Variants in C4orf51 observed in about 807,000 individuals in gnomAD.
C4orf51 encodes chromosome 4 open reading frame 51, also known as uncharacterized protein C4orf51.
In C4orf51, 25 loss-of-function variants were observed where a neutral mutation model predicts 25.2. That is an observed-to-expected ratio of 0.99 (90% CI 0.72 to 1.39). C4orf51 has a LOEUF of 1.39. C4orf51 is among the 40% of genes most tolerant of loss of function. C4orf51 has a pLI of 0.00. For missense variants in C4orf51, 252 were observed against 239.6 expected (o/e 1.05, Z -0.34); for synonymous variants, 100 against 84.5 (o/e 1.18, Z -1.01).
the C4orf51 span, among the ~76,000 whole-genome samples, chr4:145,785,490 G>A: frequency 6.6e-6 from 1 of 152,066 alleles, no homozygotes; most frequent in South Asian, 2.1e-4. Context: ...ATTTTCAGGA[G>A]GATAAAAATG....
At chr4:145,776,006 G>A (rs780561948), downstream of C4orf51, 10 of 1,611,278 alleles carry the variant, frequency 6.2e-6, no homozygotes, top group Non-Finnish European at 7.6e-6. Context: ...TTTCAAAAAA[G>A]GAAGTCCCAA....
At chr4:145,739,003 C>A (rs1389311246) in intron 1 of C4orf51, among the ~76,000 whole-genome samples, 1 of 152,118 alleles carries the variant, frequency 6.6e-6, no homozygotes, top group East Asian at 1.9e-4. Context: ...CTTGTCCCTT[C>A]CCTTCCCTCA....
At chr4:145,695,848 C>A (rs1399795570) in intron 1 of C4orf51, among the ~76,000 whole-genome samples, 7 of 152,196 alleles carry the variant, frequency 4.6e-5, no homozygotes, top group African/African-American at 1.7e-4. Context: ...AGAACAAGAT[C>A]ATATCTTTTG....
At chr4:145,717,572 A>G (rs1731489911) in intron 2 of C4orf51, among the ~76,000 whole-genome samples, 2 of 152,260 alleles carry the variant, frequency 1.3e-5, no homozygotes, top group South Asian at 4.1e-4. Flanking sequence ...GGCCAATTAT[A>G]TAAATTTGCT....
chr4:145,763,048 G>T lies in C4orf51; in HGVS notation n.167-7940G>T. 2 of 1,519,178 alleles carry T rather than the reference G, an allele frequency of 1.3e-6. No homozygotes were observed. The highest frequency in any genetic ancestry group is 8.8e-7 in the Non-Finnish European group (1 of 1,133,038). 94.1% of individuals were successfully genotyped at this position (1,519,178 alleles called of 1,614,324 possible). ...GAGAGAAATATAAAGCCCATTCCCA[G>T]GTCAGGTGCACACACAACCCCTACG... On this transcript the variant is annotated intron_variant and non_coding_transcript_variant, in intron 1 of 1. Transcript: ENST00000510096. The surrounding 1 kb of genome is among the most constrained non-coding windows in gnomAD (Gnocchi z 4.6).
In C4orf51 at chr4:145,761,686, A is replaced by G. The variant is rs1343545755; in HGVS notation, n.167-9302A>G. 2.4e-6 allele frequency: 2 copies of G among 823,946 alleles called. No individual in the cohort carries two copies. Among genetic ancestry groups the G allele is most frequent in the Non-Finnish European group, 3.4e-6 (2 of 596,194 alleles). 51.0% of individuals were successfully genotyped at this position (823,946 alleles called of 1,614,324 possible). ...CGCCGCCTCACCAGCCTTCCCTCAC[A>G]CCACCCCCCAGTGTCTGAGGCCTGG... is the stretch of plus-strand genomic sequence containing the variant. On this transcript the variant is annotated intron_variant and non_coding_transcript_variant, in intron 1 of 1. Transcript: ENST00000510096. This position sits in a 1 kb window ranked among gnomAD's most constrained non-coding sequence, Gnocchi z 6.8.
chr4:145,764,230 C>T (rs899621310), intron 1 of C4orf51, among the ~76,000 whole-genome samples: 2 of 152,194 alleles, frequency 1.3e-5, no homozygotes, highest in African/African-American at 4.8e-5. Context: ...CTTTACCAGA[C>T]CCTAAGTGCC....
Position 145,765,934 on chromosome 4 carries a change from C to A in C4orf51, n.167-5054C>A, listed in dbSNP as rs1735219952. On this transcript the variant is annotated intron_variant and non_coding_transcript_variant, in intron 1 of 1. Coordinates refer to the C4orf51 transcript ENST00000510096. This position sits in a 1 kb window ranked among gnomAD's most constrained non-coding sequence, Gnocchi z 4.7. ...CCTTTGTGGTACTGGGGGCCAAGAG[C>A]AGGCATTCATTAATTTGACAAGTGT... Among the ~76,000 whole-genome samples the A allele has an allele frequency of 6.6e-6, 1 of 152,084 alleles. No homozygotes were observed. The highest frequency in any genetic ancestry group is 2.1e-4 in the South Asian group (1 of 4,820).
chr4:145,702,143 G>C (rs1439503189), intron 2 of C4orf51, among the ~76,000 whole-genome samples: 4 of 151,988 alleles, frequency 2.6e-5, no homozygotes, highest in African/African-American at 9.7e-5. Flanking sequence ...TACAGCATAG[G>C]CTTCTAAAAC....
intron 2 of C4orf51, among the ~76,000 whole-genome samples, chr4:145,717,198 G>A (rs1171937801): frequency 6.6e-6 from 1 of 152,122 alleles, no homozygotes; most frequent in Non-Finnish European, 1.5e-5. Context: ...TTTGAGGGGT[G>A]GAAACATGAG....
intron 2 of C4orf51, among the ~76,000 whole-genome samples, chr4:145,720,172 A>C (rs1012752093): frequency 6.6e-6 from 1 of 152,054 alleles, no homozygotes; most frequent in Non-Finnish European, 1.5e-5. Flanking sequence ...CTGTCTAAGA[A>C]AGGCACTCTA....
intron 1 of C4orf51, among the ~76,000 whole-genome samples, chr4:145,769,926 C>T (rs567811853): frequency 1.6e-4 from 24 of 152,300 alleles, no homozygotes; most frequent in African/African-American, 5.5e-4. Context: ...GACACTGTTA[C>T]ATTTTAGAGT....
the C4orf51 span, among the ~76,000 whole-genome samples, chr4:145,783,709 T>A: frequency 6.6e-6 from 1 of 152,218 alleles, no homozygotes; most frequent in Non-Finnish European, 1.5e-5. Context: ...CCTTCTCTTT[T>A]CCAGCCTTGA....
At chr4:145,776,192 C>T in the C4orf51 span, among the ~76,000 whole-genome samples, 1 of 152,128 alleles carries the variant, frequency 6.6e-6, no homozygotes, top group Non-Finnish European at 1.5e-5. Context: ...CACTGTGGCT[C>T]ACACCTGTAA....
downstream of C4orf51, chr4:145,774,665 C>T (rs1269821412): frequency 6.2e-6 from 10 of 1,613,274 alleles, no homozygotes; most frequent in Non-Finnish European, 7.6e-6. Flanking sequence ...AATCCACACA[C>T]GTGACAACTA....
chr4:145,741,720 CAG>C (rs1408997184), intron 1 of C4orf51, among the ~76,000 whole-genome samples: 1 of 151,918 alleles, frequency 6.6e-6, no homozygotes, highest in Non-Finnish European at 1.5e-5. Flanking sequence ...TTTTTAAAGA[CAG>C]AGTCTCACTC....
intron 3 of C4orf51, 77 bp downstream of exon 3, chr4:145,727,046 A>G: frequency 8.5e-7 from 1 of 1,171,382 alleles, no homozygotes; most frequent in South Asian, 1.4e-5. Flanking sequence ...ATTCATTAAA[A>G]AAACAAAAGG....
At chr4:145,722,019 A>G (rs760158889) in intron 2 of C4orf51, among the ~76,000 whole-genome samples, 3 of 152,178 alleles carry the variant, frequency 2.0e-5, no homozygotes, top group Admixed American at 6.5e-5. Flanking sequence ...GCCGTTTACA[A>G]AATATAATAG....
At chr4:145,786,023 G>A in the C4orf51 span, among the ~76,000 whole-genome samples, 1 of 152,182 alleles carries the variant, frequency 6.6e-6, no homozygotes, top group Non-Finnish European at 1.5e-5. Context: ...AACTAGGGAA[G>A]TCCTAACAGC....
Sources: gnomAD v4.1 joint callset for allele counts (sites outside exome capture counted in the v4.1 genomes callset) on GRCh38, gnomAD v4.1.1 for gene constraint, Gnocchi (gnomAD v3.1) non-coding constraint, MANE v1.5 for transcripts, NCBI Gene and HGNC (gene_info 2026-07-23, HGNC 2026-07-21) for gene names.